Variants in FLT3 observed in about 807,000 individuals in gnomAD.
FLT3 encodes fms related receptor tyrosine kinase 3.
FLT3 carries 46 observed loss-of-function variants against 126.6 expected under a neutral mutation model. That is an observed-to-expected ratio of 0.36 (90% CI 0.29 to 0.46). FLT3 has a LOEUF of 0.46. Among genes scored for constraint, FLT3 ranks in the 20% least tolerant of loss-of-function variants. The probability of loss-of-function intolerance (pLI) is 1.00; values close to 1 mark genes in which losing one functional copy is unlikely to be tolerated. For synonymous variants in FLT3, 404 were observed against 434.4 expected, an observed-to-expected ratio of 0.93 and a Z score of 0.87; for missense variants, 1,069 against 1,190.3, an observed-to-expected ratio of 0.90 and a Z score of 1.50.
intron 2 of FLT3, among the ~76,000 whole-genome samples, chr13:28,067,360 TC>T (rs953922452): frequency 1.3e-5 from 2 of 152,152 alleles, no homozygotes; most frequent in African/African-American, 4.8e-5. Context: ...CTGGGTACAA[TC>T]CACAATCTGG....
chr13:28,046,669 T>A (rs1874911629), intron 9 of FLT3, among the ~76,000 whole-genome samples: 1 of 152,162 alleles, frequency 6.6e-6, no homozygotes, highest in Admixed American at 6.5e-5. Flanking sequence ...TGATCATGGC[T>A]ACTGCAGCCT....
chr13:28,011,893 GTTCAAGCGATTC>G (rs1004535251), intron 23 of FLT3, among the ~76,000 whole-genome samples: 4 of 151,942 alleles, frequency 2.6e-5, no homozygotes, highest in Non-Finnish European at 4.4e-5. Context: ...CACCTCCCAG[GTTCAAGCGATTC>G]TTCTGCCTCA....
intron 1 of FLT3, among the ~76,000 whole-genome samples, chr13:28,075,307 GATAA>G (rs1362653667): frequency 4.6e-5 from 7 of 152,148 alleles, no homozygotes; most frequent in African/African-American, 1.2e-4. Context: ...ACATAGAAAT[GATAA>G]ATATTCAACG....
chr13:28,017,700 T>C (rs1000562983), intron 20 of FLT3, among the ~76,000 whole-genome samples: 1 of 151,470 alleles, frequency 6.6e-6, no homozygotes, highest in Non-Finnish European at 1.5e-5. Flanking sequence ...GCTTTGCTCT[T>C]GTTGCCCAGG....
chr13:28,028,630 G>C (rs1427462529), intron 15 of FLT3, among the ~76,000 whole-genome samples: 4 of 152,142 alleles, frequency 2.6e-5, no homozygotes, highest in Non-Finnish European at 4.4e-5. Flanking sequence ...GTGGGAGGCA[G>C]AGGTTGCAAT....
At chr13:28,036,302 G>A (rs1168616754) in intron 10 of FLT3, among the ~76,000 whole-genome samples, 1 of 152,204 alleles carries the variant, frequency 6.6e-6, no homozygotes, top group Non-Finnish European at 1.5e-5. Flanking sequence ...TTGTGCTTCT[G>A]GGAGGATTTC....
chr13:28,050,933 A>T (rs1426281173), intron 5 of FLT3, among the ~76,000 whole-genome samples: 1 of 152,154 alleles, frequency 6.6e-6, no homozygotes, highest in Non-Finnish European at 1.5e-5. Context: ...TATATGAAAA[A>T]CTATGTAAAC....
intron 23 of FLT3, among the ~76,000 whole-genome samples, chr13:28,014,070 A>T (rs1871617300): frequency 6.6e-6 from 1 of 152,000 alleles, no homozygotes; most frequent in South Asian, 2.1e-4. Flanking sequence ...CCAGGAGTTC[A>T]AGACCAGCCT....
intron 1 of FLT3, among the ~76,000 whole-genome samples, chr13:28,074,228 GTAGTAGA>G (rs1470069843): frequency 1.3e-5 from 2 of 152,086 alleles, no homozygotes; most frequent in African/African-American, 4.8e-5. Flanking sequence ...TGTCCATACT[GTAGTAGA>G]TATCAGTAGT....
chr13:28,041,061 T>C (rs2137699334), intron 9 of FLT3, among the ~76,000 whole-genome samples: 1 of 152,224 alleles, frequency 6.6e-6, no homozygotes, highest in South Asian at 2.1e-4. Flanking sequence ...GGGAATTTCT[T>C]ATCCTGACCT....
chr13:28,031,059 T>C (rs1167410250), intron 15 of FLT3, among the ~76,000 whole-genome samples: 1 of 152,072 alleles, frequency 6.6e-6, no homozygotes, highest in Non-Finnish European at 1.5e-5. Context: ...ACTCTGTCTC[T>C]ACTAAAAATA....
At chr13:28,056,166 C>T (rs1875983527) in intron 4 of FLT3, among the ~76,000 whole-genome samples, 1 of 152,160 alleles carries the variant, frequency 6.6e-6, no homozygotes. Context: ...CACATTCTCA[C>T]ACAAGACCCA....
intron 1 of FLT3, among the ~76,000 whole-genome samples, chr13:28,072,356 G>A (rs1483003906): frequency 6.6e-6 from 1 of 151,508 alleles, no homozygotes; most frequent in Non-Finnish European, 1.5e-5. Flanking sequence ...TTCTTTTTTG[G>A]TGATGAGAAC....
At chr13:28,029,962 C>T (rs577033395) in intron 15 of FLT3, among the ~76,000 whole-genome samples, 5 of 152,284 alleles carry the variant, frequency 3.3e-5, no homozygotes, top group Admixed American at 1.3e-4. Context: ...CAGGGCAGCC[C>T]GGGCAGCCAC....
chr13:28,062,119 G>A (rs201721806), intron 2 of FLT3, 50 bp from the exon 3 acceptor site: 3 of 1,389,600 alleles, frequency 2.2e-6, no homozygotes, highest in East Asian at 2.3e-5. Flanking sequence ...CAGGTCTAAG[G>A]CCTCCCCTTC....
At chr13:28,015,115 C>G (rs780604821) in intron 22 of FLT3, 42 bp downstream of exon 22, 2 of 1,235,372 alleles carry the variant, frequency 1.6e-6, no homozygotes, top group South Asian at 2.5e-5. Flanking sequence ...ACAGACTGTA[C>G]CTTTCTGATT....
intron 23 of FLT3, among the ~76,000 whole-genome samples, chr13:28,010,256 T>G (rs926219794): frequency 2.6e-5 from 4 of 152,164 alleles, no homozygotes; most frequent in Non-Finnish European, 4.4e-5. Context: ...TAATATCACA[T>G]GGCAAGCACT....
intron 22 of FLT3, 26 bp from the exon 23 acceptor site, chr13:28,014,583 A>T: frequency 2.6e-6 from 4 of 1,514,938 alleles, no homozygotes; most frequent in Non-Finnish European, 3.7e-6. Context: ...AACAAGGAAC[A>T]AGATGAAGAA....
rs759986816 is a variant in FLT3 at position 28,035,957 on chromosome 13, T to C, written c.1396A>G (p.Lys466Glu). The change falls in exon 11 of 24, where the codon AAG becomes GAG. Residue 466 changes from lysine to glutamate, a missense_variant. Lys to Glu is a moderately conservative substitution (Grantham distance 56). Transcript: ENST00000241453. ...GYPLPSWTWK[K>E]CSDKSPNCTE... ...TACTTGGGAGACTTGTCTGAACACT[T>C]CTTCCAGGTCCAAGATGGTAATGGG... 6.2e-7 allele frequency: 1 copy of C among 1,613,930 alleles called. No homozygotes were observed. Among genetic ancestry groups the C allele is most frequent in the South Asian group, 1.1e-5 (1 of 91,080 alleles).
Sources: gnomAD v4.1 joint callset for allele counts (sites outside exome capture counted in the v4.1 genomes callset) on GRCh38, gnomAD v4.1.1 for gene constraint, MANE v1.5 for transcripts, NCBI Gene and HGNC (gene_info 2026-07-23, HGNC 2026-07-21) for gene names.